The following TANC2 variants were observed in gnomAD, a reference collection of about 807,000 sequenced individuals.
TANC2 encodes the protein protein TANC2.
In TANC2, 26 loss-of-function variants were observed where a neutral mutation model predicts 210.5. The observed-to-expected ratio is 0.12, with a 90% CI of 0.09 to 0.17. TANC2 has a LOEUF of 0.17. TANC2 is among the 10% of genes least tolerant of loss of function. The pLI is 1.00. For missense variants in TANC2, 2,129 were observed against 2,608.9 expected (o/e 0.82, Z 4.01); for synonymous variants, 931 against 967.1 (o/e 0.96, Z 0.69).
In TANC2 at chr17:63,398,814, G is replaced by A; in HGVS notation, c.3238-7G>A. On this transcript the variant is annotated splice_region_variant and splice_polypyrimidine_tract_variant and intron_variant, in intron 18 of 27. Coordinates refer to ENST00000689528, the Ensembl canonical transcript of TANC2. The stretch of plus-strand genomic sequence containing the variant: ...GAAGTTTGAGCTGACACAACTTCTT[G>A]TTTCAGATTGTCTCCTACCTACTTG... The A allele has an allele frequency of 6.4e-7, 1 of 1,569,532 alleles. No homozygotes were observed. Among genetic ancestry groups the A allele is most frequent in the Non-Finnish European group, 8.7e-7 (1 of 1,156,018 alleles).
At chr17:62,998,513 G>A (rs1057210089) in intron 1 of TANC2, among the ~76,000 whole-genome samples, 1 of 152,160 alleles carries the variant, frequency 6.6e-6, no homozygotes, top group African/African-American at 2.4e-5. Flanking sequence ...GAAAGAAGGG[G>A]TGGGTCACTT....
intron 14 of TANC2, among the ~76,000 whole-genome samples, chr17:63,358,377 G>GTC (rs1567949817): frequency 3.0e-5 from 3 of 101,178 alleles, no homozygotes; most frequent in Non-Finnish European, 4.2e-5. Context: ...GAGAGAGAGA[G>GTC]TATGTGTGTG....
intron 2 of TANC2, among the ~76,000 whole-genome samples, chr17:63,051,792 G>T (rs552764008): frequency 9.0e-4 from 137 of 152,216 alleles, no homozygotes; most frequent in Admixed American, 2.0e-3. Flanking sequence ...TAGTGTTATA[G>T]TTTTAAAAAA....
Position 63,380,713 on chromosome 17 carries a change from A to G in TANC2, c.2691+887A>G, listed in dbSNP as rs1169690528. 1.3e-5 allele frequency among the ~76,000 whole-genome samples: 2 copies of G among 152,260 alleles called. 1 individual carries two copies. Among genetic ancestry groups the G allele is most frequent in the African/African-American group, 4.8e-5 (2 of 41,476 alleles). On this transcript the variant is annotated intron_variant, in intron 15 of 27. Transcript: ENST00000689528. ...GGCTTCCCCCACAGGATATTGTTAA[A>G]AAATGAAACCATTGTCTTCAGAGAG...
intron 7 of TANC2, among the ~76,000 whole-genome samples, chr17:63,207,621 G>A (rs1035711596): frequency 1.3e-5 from 2 of 152,090 alleles, no homozygotes; most frequent in Admixed American, 6.5e-5. Context: ...TATGAATATA[G>A]CACATTTGTT....
chr17:63,178,639 CTG>C (rs2145631617), intron 5 of TANC2, among the ~76,000 whole-genome samples: 1 of 152,288 alleles, frequency 6.6e-6, no homozygotes, highest in African/African-American at 2.4e-5. Context: ...TTTTACAACT[CTG>C]TTAAAGAGAA....
intron 20 of TANC2, 73 bp from the exon 21 acceptor site, chr17:63,406,081 A>C: frequency 4.2e-4 from 647 of 1,545,400 alleles, no homozygotes; most frequent in Non-Finnish European, 5.2e-4. Flanking sequence ...CTACAGAGTA[A>C]GAGATAGTGT....
At chr17:63,107,647 A>G (rs1052224973) in intron 4 of TANC2, among the ~76,000 whole-genome samples, 1 of 151,814 alleles carries the variant, frequency 6.6e-6, no homozygotes, top group African/African-American at 2.4e-5. Flanking sequence ...GGCATTAAAA[A>G]TAAATGCTTT....
intron 2 of TANC2, among the ~76,000 whole-genome samples, chr17:63,021,105 T>C (rs1295645448): frequency 6.6e-6 from 1 of 152,160 alleles, no homozygotes; most frequent in Non-Finnish European, 1.5e-5. Context: ...GGGACAAATA[T>C]CCAAACCATG....
intron 13 of TANC2, among the ~76,000 whole-genome samples, chr17:63,354,397 T>G (rs1243139773): frequency 2.0e-5 from 3 of 152,202 alleles, no homozygotes; most frequent in Non-Finnish European, 4.4e-5. Flanking sequence ...AAGCCAGTCT[T>G]TGAATCTTTG....
At position 63,238,052 on chromosome 17, in the gene TANC2, C is replaced by T. The variant is rs759377705; in HGVS notation, c.1008C>T (p.Leu336=). The change falls in exon 8 of 28, where the codon CTC becomes CTT. Residue 336 remains leucine, a synonymous_variant. Transcript: ENST00000689528. Reference sequence around the variant, plus strand: ...CAGTACAGTCTATTCCTTTGTATCTCATGCCACGGCCAAATTCAGTAGCAG... The same window carrying T: ...CAGTACAGTCTATTCCTTTGTATCTTATGCCACGGCCAAATTCAGTAGCAG... The T allele has an allele frequency of 4.5e-6, 7 of 1,539,726 alleles. No homozygotes were observed. The East Asian group carries it at 1.7e-4, about 38-fold the overall frequency.
At chr17:63,306,380 T>G (rs1445588787) in intron 9 of TANC2, among the ~76,000 whole-genome samples, 1 of 152,212 alleles carries the variant, frequency 6.6e-6, no homozygotes, top group Non-Finnish European at 1.5e-5. Context: ...TCTCCTCTAC[T>G]AATACATAAA....
At chr17:63,058,576 T>G (rs1405948629) in intron 2 of TANC2, among the ~76,000 whole-genome samples, 1 of 152,224 alleles carries the variant, frequency 6.6e-6, no homozygotes, top group African/African-American at 2.4e-5. Flanking sequence ...GAGTCTTTAC[T>G]CAATCTTGAA....
At chr17:63,106,110 A>AT (rs1460341548) in intron 4 of TANC2, among the ~76,000 whole-genome samples, 6 of 151,624 alleles carry the variant, frequency 4.0e-5, no homozygotes, top group Non-Finnish European at 7.4e-5. Flanking sequence ...AGATTAGGCT[A>AT]TTGTAAAACA....
intron 5 of TANC2, chr17:63,152,175 C>G (rs181044691): frequency 1.3e-5 from 2 of 152,212 alleles, no homozygotes; most frequent in Admixed American, 6.5e-5. Context: ...GGTTTTAGGT[C>G]TTTTGTTTAT....
At chr17:63,356,490 C>T (rs549702874) in intron 14 of TANC2, among the ~76,000 whole-genome samples, 2 of 152,160 alleles carry the variant, frequency 1.3e-5, no homozygotes, top group Admixed American at 6.5e-5. Flanking sequence ...TGCCCTTCAC[C>T]GTGTCCTTCA....
chr17:63,242,573 C>T (rs2042803767), intron 8 of TANC2, among the ~76,000 whole-genome samples: 2 of 151,968 alleles, frequency 1.3e-5, no homozygotes, highest in South Asian at 2.1e-4. Context: ...TAATTCCCTG[C>T]AGATACCAAG....
At position 62,993,962 on chromosome 17, in the gene TANC2, T is replaced by A. The variant is rs572931962; in HGVS notation, c.-23-15575T>A. On this transcript the variant is annotated intron_variant, in intron 1 of 27. Coordinates refer to ENST00000689528, the Ensembl canonical transcript of TANC2. ...AATACAACTGATTTTTTAATGTGTA[T>A]CTTGTGTCCTGCCAATTTGCTGAAT... 3.1e-4 allele frequency among the ~76,000 whole-genome samples: 47 copies of A among 152,256 alleles called. No homozygotes were observed. The South Asian group carries it at 9.7e-3, about 32-fold the overall frequency.
intron 8 of TANC2, among the ~76,000 whole-genome samples, chr17:63,250,307 T>TATTTATGA (rs1555615890): frequency 1.3e-5 from 2 of 151,878 alleles, no homozygotes; most frequent in African/African-American, 4.8e-5. Context: ...TTTATTTATT[T>TATTTATGA]ATGAATGAAT....
Sources: gnomAD v4.1 joint callset for allele counts (sites outside exome capture counted in the v4.1 genomes callset) on GRCh38, gnomAD v4.1.1 for gene constraint, MANE v1.5 for transcripts, NCBI Gene and HGNC (gene_info 2026-07-23, HGNC 2026-07-21) for gene names.